Variants in NDUFB5 observed in about 807,000 individuals in gnomAD.
The protein encoded by NDUFB5 is NADH:ubiquinone oxidoreductase subunit B5, also known as NADH dehydrogenase [ubiquinone] 1 beta subcomplex subunit 5, mitochondrial.
NDUFB5 carries 19 observed loss-of-function variants against 19.4 expected under a neutral mutation model. The observed-to-expected ratio is 0.98, with a 90% CI of 0.68 to 1.43. NDUFB5 has a LOEUF of 1.43. Among genes scored for constraint, NDUFB5 ranks in the 40% most tolerant of loss-of-function variants. The pLI is 0.00. For missense variants in NDUFB5, 233 were observed against 236.5 expected, an observed-to-expected ratio of 0.99 and a Z score of 0.10; for synonymous variants, 80 against 82.6, an observed-to-expected ratio of 0.97 and a Z score of 0.17.
chr3:179,618,495 G>T lies in NDUFB5; in HGVS notation c.423G>T (p.Gln141His), dbSNP rs1719442112. The T allele has an allele frequency of 6.2e-7, 1 of 1,612,306 alleles. No individual in the cohort carries two copies. The highest frequency in any genetic ancestry group is 2.2e-5 in the East Asian group (1 of 44,848). The change falls in exon 5 of 6, where the codon CAG becomes CAT. Residue 141 changes from glutamine (Q) to histidine (H), a missense_variant. Coordinates refer to ENST00000259037, the MANE Select transcript of NDUFB5 (RefSeq NM_002492.4). ...KIYERTMAVLQIEAEKAELRV... is the reference protein window; with the variant it reads ...KIYERTMAVLHIEAEKAELRV... ...ATGAAAGAACAATGGCCGTCCTTCA[G>T]ATTGAAGCTGAAAAGGCTGAATTAC...
intron 1 of NDUFB5, among the ~76,000 whole-genome samples, chr3:179,611,395 C>A (rs1403054312): frequency 6.6e-6 from 1 of 151,602 alleles, no homozygotes; most frequent in Non-Finnish European, 1.5e-5. Context: ...AAGAAAATGA[C>A]CAATTTTCAG....
chr3:179,620,132 T>C (rs1242901511), intron 5 of NDUFB5, among the ~76,000 whole-genome samples: 2 of 152,298 alleles, frequency 1.3e-5, no homozygotes, highest in Admixed American at 6.5e-5. Flanking sequence ...CAAAAATTTT[T>C]TCCCATTCTG....
intron 5 of NDUFB5, 52 bp downstream of exon 5, chr3:179,618,573 A>G: frequency 8.3e-7 from 1 of 1,201,030 alleles, no homozygotes; most frequent in South Asian, 1.3e-5. Context: ...AAGGTAGCAA[A>G]CCACCAGAAA....
chr3:179,624,260 A>G lies in NDUFB5; in HGVS notation c.*220A>G. 2.7e-6 allele frequency: 1 copy of G among 365,098 alleles called. No individual in the cohort carries two copies. 22.6% of individuals were successfully genotyped at this position (365,098 alleles called of 1,614,324 possible). A position where few individuals can be genotyped will look rare whatever the true frequency, so the allele number is the denominator to read the frequency against. On this transcript the variant is annotated 3_prime_UTR_variant, in exon 6 of 6. Transcript: ENST00000259037. ...AAAACTGGAGAAATAGGAATTTGTGAACTCCTAAAATTGTAGCAACTTTGA... is the reference window on the plus strand; with the variant it reads ...AAAACTGGAGAAATAGGAATTTGTGGACTCCTAAAATTGTAGCAACTTTGA...
intron 1 of NDUFB5, among the ~76,000 whole-genome samples, chr3:179,607,139 G>A (rs536905107): frequency 6.8e-4 from 104 of 152,246 alleles, no homozygotes; most frequent in African/African-American, 2.3e-3. Flanking sequence ...GATCATTACC[G>A]TGTTCTGCGC....
At chr3:179,614,293 G>A (rs918243673) in intron 1 of NDUFB5, among the ~76,000 whole-genome samples, 3 of 152,142 alleles carry the variant, frequency 2.0e-5, no homozygotes, top group African/African-American at 7.2e-5. Flanking sequence ...GACTTGAAGA[G>A]GATATTCTTA....
intron 2 of NDUFB5, chr3:179,615,454 C>T: frequency 3.2e-6 from 1 of 308,752 alleles, no homozygotes; most frequent in South Asian, 3.0e-5. Context: ...TGTTCAGGAA[C>T]ATTTATTTCA....
intron 1 of NDUFB5, among the ~76,000 whole-genome samples, chr3:179,606,039 A>C (rs1719088086): frequency 6.6e-6 from 1 of 152,008 alleles, no homozygotes; most frequent in Non-Finnish European, 1.5e-5. Context: ...TGATCCGCCC[A>C]CCTCAGCCTC....
At chr3:179,621,092 GC>G (rs377412044) in intron 5 of NDUFB5, among the ~76,000 whole-genome samples, 170 of 151,474 alleles carry the variant, frequency 1.1e-3, no homozygotes, top group African/African-American at 3.7e-3. Flanking sequence ...TCTTCCCCCC[GC>G]CCGAGACAAA....
chr3:179,610,204 C>T (rs1486239605), intron 1 of NDUFB5, among the ~76,000 whole-genome samples: 1 of 152,146 alleles, frequency 6.6e-6, no homozygotes, highest in Admixed American at 6.5e-5. Flanking sequence ...GTGATCCTCT[C>T]GCCTCAGCCT....
At chr3:179,617,198 C>T (rs986967062) in intron 4 of NDUFB5, 154 bp downstream of exon 4, 2 of 503,510 alleles carry the variant, frequency 4.0e-6, no homozygotes, top group Non-Finnish European at 6.9e-6. Flanking sequence ...AGTGCAGTGG[C>T]GCGATTTCAG....
At chr3:179,608,775 G>A (rs1023090363) in intron 1 of NDUFB5, among the ~76,000 whole-genome samples, 1 of 152,102 alleles carries the variant, frequency 6.6e-6, no homozygotes. Flanking sequence ...GCTAAATCAC[G>A]GAGGTTTGGG....
intron 3 of NDUFB5, 130 bp downstream of exon 3, chr3:179,616,179 C>A (rs549613394): frequency 4.0e-4 from 276 of 688,982 alleles, no homozygotes; most frequent in Admixed American, 6.5e-4. Context: ...ATAAGCATGG[C>A]AGTTTATCTT....
At chr3:179,615,193 T>G in intron 2 of NDUFB5, 134 bp downstream of exon 2, 1 of 480,536 alleles carries the variant, frequency 2.1e-6, no homozygotes, top group Non-Finnish European at 3.7e-6. Context: ...TAGAAGATAC[T>G]GAGACTGTAA....
chr3:179,616,202 T>G (rs1024419366), intron 3 of NDUFB5, among the ~76,000 whole-genome samples, 153 bp downstream of exon 3: 1 of 152,156 alleles, frequency 6.6e-6, no homozygotes, highest in African/African-American at 2.4e-5. Context: ...AATAACCAAA[T>G]CTCAATCTGA....
intron 1 of NDUFB5, among the ~76,000 whole-genome samples, chr3:179,613,475 C>T (rs1719299378): frequency 6.6e-6 from 1 of 151,922 alleles, no homozygotes; most frequent in South Asian, 2.1e-4. Flanking sequence ...CCTCTTAGAC[C>T]GTATATAGTT....
chr3:179,613,519 A>G (rs1719301192), intron 1 of NDUFB5, among the ~76,000 whole-genome samples: 1 of 152,220 alleles, frequency 6.6e-6, no homozygotes, highest in African/African-American at 2.4e-5. Context: ...ATGCAATTAA[A>G]TATGTATTGA....
intron 4 of NDUFB5, 115 bp from the exon 5 acceptor site, chr3:179,618,300 C>T: frequency 1.7e-6 from 1 of 603,784 alleles, no homozygotes; most frequent in Non-Finnish European, 2.9e-6. Context: ...ATATTAGTTA[C>T]ATAGTAGATG....
intron 5 of NDUFB5, among the ~76,000 whole-genome samples, chr3:179,620,374 A>C (rs977407410): frequency 6.6e-6 from 1 of 151,742 alleles, no homozygotes; most frequent in African/African-American, 2.4e-5. Flanking sequence ...TAATTTTTGT[A>C]TAAGGTGTAA....
Sources: gnomAD v4.1 joint callset for allele counts (sites outside exome capture counted in the v4.1 genomes callset) on GRCh38, gnomAD v4.1.1 for gene constraint, MANE v1.5 for transcripts, NCBI Gene and HGNC (gene_info 2026-07-23, HGNC 2026-07-21) for gene names.